The following IRAK3 variants were observed in gnomAD, a reference collection of about 807,000 sequenced individuals.
IRAK3 encodes interleukin-1 receptor-associated kinase 3.
Under a neutral mutation model 56.6 loss-of-function variants are expected in IRAK3, and 57 were observed. The ratio of observed to expected loss-of-function variants is 1.01; its 90% confidence interval spans 0.81 to 1.26. The LOEUF is 1.26. Ranked by LOEUF, IRAK3 falls within the 50% of genes most tolerant of loss-of-function variation. The pLI is 0.00. For synonymous variants in IRAK3, 258 were observed against 255.7 expected (o/e 1.01, Z -0.09); for missense variants, 703 against 719.0 (o/e 0.98, Z 0.25).
At chr12:66,234,632 C>T (rs921282667) in intron 8 of IRAK3, 2 of 1,611,712 alleles carry the variant, frequency 1.2e-6, no homozygotes, top group African/African-American at 1.3e-5. Flanking sequence ...AGAAAACTTA[C>T]ACAATAAAGG....
chr12:66,232,014 G>A (rs1039313935), intron 8 of IRAK3, among the ~76,000 whole-genome samples: 1 of 152,196 alleles, frequency 6.6e-6, no homozygotes, highest in African/African-American at 2.4e-5. Flanking sequence ...GTCTGGATGT[G>A]CAGAACTATA....
chr12:66,197,559 G>A, intron 1 of IRAK3: 1 of 985,388 alleles, frequency 1.0e-6, no homozygotes, highest in African/African-American at 1.7e-5. Context: ...TCACCAGTTG[G>A]AAAAAGAGAA....
chr12:66,236,850 T>C lies in IRAK3; in HGVS notation c.888-7636T>C, dbSNP rs114879108. On this transcript the variant is annotated intron_variant, in intron 8 of 11. Coordinates refer to ENST00000261233, the MANE Select transcript of IRAK3 (RefSeq NM_007199.3). ...ACCCTGATCAGCTTCCAAATCAGAA[T>C]GAGGTCAGATATGTTTAGGGAGGCG... Among the ~76,000 whole-genome samples, 701 of 152,240 alleles carry C rather than the reference T, an allele frequency of 4.6e-3. 11 individuals carry two copies. Among genetic ancestry groups the C allele is most frequent in the African/African-American group, 0.016 (675 of 41,524 alleles).
At chr12:66,195,427 A>G (rs946291070) in intron 1 of IRAK3, among the ~76,000 whole-genome samples, 2 of 152,126 alleles carry the variant, frequency 1.3e-5, no homozygotes, top group African/African-American at 2.4e-5. Flanking sequence ...ATATGCTATC[A>G]TTGCCCTATT....
At chr12:66,226,535 C>T (rs2052788119) in intron 6 of IRAK3, among the ~76,000 whole-genome samples, 188 bp from the exon 7 acceptor site, 1 of 152,212 alleles carries the variant, frequency 6.6e-6, no homozygotes, top group African/African-American at 2.4e-5. Flanking sequence ...AGCCACTGCA[C>T]CTGGCCGTTA....
intron 2 of IRAK3, among the ~76,000 whole-genome samples, chr12:66,205,176 C>T (rs1221017198): frequency 6.6e-6 from 1 of 152,172 alleles, no homozygotes; most frequent in Non-Finnish European, 1.5e-5. Context: ...TTTTATACTT[C>T]AGTGTTCTGG....
intron 8 of IRAK3, chr12:66,234,752 C>G (rs1279315786): frequency 6.3e-7 from 1 of 1,593,916 alleles, no homozygotes; most frequent in Non-Finnish European, 8.6e-7. Flanking sequence ...GCCAACACCA[C>G]GACTTGTACC....
chr12:66,190,007 A>C (rs1421612157), intron 1 of IRAK3, among the ~76,000 whole-genome samples: 3 of 152,226 alleles, frequency 2.0e-5, no homozygotes, highest in African/African-American at 7.2e-5. Context: ...TAATCTAAAA[A>C]AATTGGCTTC....
At chr12:66,230,281 C>T (rs2052830587) in intron 8 of IRAK3, among the ~76,000 whole-genome samples, 1 of 152,144 alleles carries the variant, frequency 6.6e-6, no homozygotes, top group Non-Finnish European at 1.5e-5. Context: ...GAAGTGGGCT[C>T]AGAAGCACAG....
intron 5 of IRAK3, among the ~76,000 whole-genome samples, chr12:66,214,332 T>C (rs1196586946): frequency 6.6e-6 from 1 of 151,288 alleles, no homozygotes; most frequent in East Asian, 1.9e-4. Flanking sequence ...GAGACCAGAC[T>C]GGCCAACATG....
At chr12:66,192,102 A>AT (rs1051331133) in intron 1 of IRAK3, among the ~76,000 whole-genome samples, 1 of 152,132 alleles carries the variant, frequency 6.6e-6, no homozygotes, top group Non-Finnish European at 1.5e-5. Flanking sequence ...AGCTTCTTTC[A>AT]TTTTTTGTCA....
At chr12:66,219,564 G>A (rs1002641495) in intron 6 of IRAK3, among the ~76,000 whole-genome samples, 3 of 152,174 alleles carry the variant, frequency 2.0e-5, no homozygotes, top group Non-Finnish European at 4.4e-5. Context: ...CATGAAAATG[G>A]ACTAATACAT....
rs778991659 is a variant in IRAK3, at chr12:66,247,782, C to T, written c.1402C>T (p.Pro468Ser). ...ACTAAAGTCCTTCAGGTGTCCTTCT[C>T]CTCTATTCCTGGAGAATGTACCAAG... ...TSLKSFRCPS[P>S]LFLENVPSIP... The change falls in exon 12 of 12, where the codon CCT becomes TCT. Residue 468 changes from proline (P) to serine (S), a missense_variant. By Grantham distance (74) the Pro-to-Ser change is moderately conservative. Coordinates refer to ENST00000261233, the MANE Select transcript of IRAK3 (RefSeq NM_007199.3). The T allele has an allele frequency of 2.6e-5, 42 of 1,614,034 alleles. No individual in the cohort carries two copies. Among genetic ancestry groups the T allele is most frequent in the Middle Eastern group, 1.6e-4 (1 of 6,084 alleles).
chr12:66,200,855 G>C (rs1037764874), intron 1 of IRAK3, among the ~76,000 whole-genome samples: 3 of 152,152 alleles, frequency 2.0e-5, no homozygotes, highest in Non-Finnish European at 4.4e-5. Flanking sequence ...CTGTTGCCTA[G>C]GCTGGAGTGC....
rs1447167721 is a variant in IRAK3 at position 66,230,314 on chromosome 12, A to C, written c.887+1944A>C. ...CAGATTTACCTGCAGGAGGTTTTTA[A>C]GGGAGGGCTCTCAGGGACAGCAAAT... On this transcript the variant is annotated intron_variant, in intron 8 of 11. Coordinates refer to ENST00000261233, the MANE Select transcript of IRAK3 (RefSeq NM_007199.3). Among the ~76,000 whole-genome samples the C allele has an allele frequency of 2.6e-5, 4 of 152,276 alleles. No homozygotes were observed. In the East Asian group the frequency reaches 7.7e-4, roughly 29 times the overall value.
chr12:66,254,497 T>C lies in IRAK3; in HGVS notation c.*6326T>C, dbSNP rs1055589522. ...AGAGATCTTCACCAAATGTTAAGGA[T>C]TTTTTTTTCTGGGCTGTGGTATTTG... is the stretch of plus-strand genomic sequence containing the variant. On this transcript the variant is annotated 3_prime_UTR_variant, in exon 12 of 12. Coordinates refer to ENST00000261233, the MANE Select transcript of IRAK3 (RefSeq NM_007199.3). The C allele has an allele frequency of 1.3e-5, 2 of 151,630 alleles. No individual in the cohort carries two copies. Among genetic ancestry groups the C allele is most frequent in the Non-Finnish European group, 2.9e-5 (2 of 67,828 alleles). The allele number at this position is 151,630 out of a possible 1,614,324, so 9.4% of individuals were successfully genotyped here. A position where few individuals can be genotyped will look rare whatever the true frequency, so the allele number is the denominator to read the frequency against.
Position 66,220,368 on chromosome 12 carries a change from G to A in IRAK3, c.653+3133G>A, listed in dbSNP as rs541768397. On this transcript the variant is annotated intron_variant, in intron 6 of 11. Transcript: ENST00000261233. ...AGATTAGTTGATGATATATATGTAG[G>A]TTTATTTCTGTTATTTTTTTTTTTA... Among the ~76,000 whole-genome samples the A allele has an allele frequency of 3.3e-5, 5 of 150,516 alleles. No individual in the cohort carries two copies. The South Asian group carries it at 1.0e-3, about 32-fold the overall frequency.
intron 11 of IRAK3, among the ~76,000 whole-genome samples, chr12:66,247,277 AAC>A (rs1396008194): frequency 2.0e-5 from 3 of 150,830 alleles, no homozygotes; most frequent in Admixed American, 6.6e-5. Flanking sequence ...CTCAAAAAAA[AAC>A]AAAACAAACA....
intron 6 of IRAK3, among the ~76,000 whole-genome samples, chr12:66,222,058 T>C (rs1323429416): frequency 6.6e-6 from 1 of 151,958 alleles, no homozygotes; most frequent in African/African-American, 2.4e-5. Context: ...AAACAAAAAA[T>C]GTTCTGTTGA....
Sources: gnomAD v4.1 joint callset for allele counts (sites outside exome capture counted in the v4.1 genomes callset) on GRCh38, gnomAD v4.1.1 for gene constraint, MANE v1.5 for transcripts, NCBI Gene and HGNC (gene_info 2026-07-23, HGNC 2026-07-21) for gene names.